Variants in ITGA9 observed in about 807,000 individuals in gnomAD.
ITGA9 encodes integrin alpha-9.
Under a neutral mutation model 127.8 loss-of-function variants are expected in ITGA9, and 56 were observed. The ratio of observed to expected loss-of-function variants is 0.44; its 90% confidence interval spans 0.35 to 0.55. The LOEUF is 0.55. ITGA9 is among the 20% of genes least tolerant of loss of function. The pLI is 0.00. For missense variants in ITGA9, 1,196 were observed against 1,347.1 expected, an observed-to-expected ratio of 0.89 and a Z score of 1.76; for synonymous variants, 508 against 514.5, an observed-to-expected ratio of 0.99 and a Z score of 0.17.
At chr3:37,606,017 A>T (rs1002133140) in intron 15 of ITGA9, among the ~76,000 whole-genome samples, 2 of 152,222 alleles carry the variant, frequency 1.3e-5, no homozygotes, top group African/African-American at 4.8e-5. Context: ...CTGCAGGCAG[A>T]AGGCCACATG....
intron 5 of ITGA9, among the ~76,000 whole-genome samples, chr3:37,502,689 G>C (rs1449016833): frequency 6.6e-6 from 1 of 152,332 alleles, no homozygotes; most frequent in East Asian, 1.9e-4. Flanking sequence ...GGTCTTGAGT[G>C]TGGTCTGGAG....
At chr3:37,748,107 C>CA in intron 22 of ITGA9, 2 of 472,334 alleles carry the variant, frequency 4.2e-6, no homozygotes, top group East Asian at 5.7e-5. Flanking sequence ...AGTAATTCGC[C>CA]AAAATGTCGA....
chr3:37,515,187 A>G (rs530377202), intron 9 of ITGA9, among the ~76,000 whole-genome samples: 145 of 152,378 alleles, frequency 9.5e-4, no homozygotes, highest in African/African-American at 3.3e-3. Flanking sequence ...ATGTACAACC[A>G]GTCCTCAGAA....
intron 14 of ITGA9, among the ~76,000 whole-genome samples, chr3:37,533,923 G>A (rs1391026791): frequency 1.3e-5 from 2 of 152,192 alleles, no homozygotes; most frequent in Non-Finnish European, 1.5e-5. Flanking sequence ...AAGATGGATG[G>A]TGGGATTCGG....
intron 10 of ITGA9, among the ~76,000 whole-genome samples, chr3:37,518,093 C>CGCGCGTGTGTGTGTGTGT (rs368577036): frequency 2.1e-5 from 3 of 144,106 alleles, no homozygotes; most frequent in Non-Finnish European, 4.5e-5. Context: ...AGAGTGTACG[C>CGCGCGTGTGTGTGTGTGT]GTGTGTGTGT....
At chr3:37,768,843 G>A (rs1468010409) in intron 23 of ITGA9, among the ~76,000 whole-genome samples, 1 of 151,544 alleles carries the variant, frequency 6.6e-6, no homozygotes, top group African/African-American at 2.4e-5. Flanking sequence ...CGTGGCTCAT[G>A]GGGAACACTA....
chr3:37,506,333 C>G (rs1237103287), intron 7 of ITGA9, among the ~76,000 whole-genome samples: 1 of 151,970 alleles, frequency 6.6e-6, no homozygotes, highest in African/African-American at 2.4e-5. Context: ...CACAGCTGAC[C>G]ATGTGTGTGT....
chr3:37,526,657 G>A (rs946405794), intron 13 of ITGA9, among the ~76,000 whole-genome samples: 3 of 152,332 alleles, frequency 2.0e-5, no homozygotes, highest in African/African-American at 4.8e-5. Flanking sequence ...GTGGGCCGCC[G>A]CCACCACCCG....
chr3:37,770,197 C>T (rs940512278), intron 23 of ITGA9, among the ~76,000 whole-genome samples: 1 of 152,174 alleles, frequency 6.6e-6, no homozygotes, highest in African/African-American at 2.4e-5. Flanking sequence ...GAGCAGTACC[C>T]TCCACACATG....
intron 23 of ITGA9, among the ~76,000 whole-genome samples, chr3:37,773,219 A>G (rs1460109281): frequency 6.6e-6 from 1 of 152,224 alleles, no homozygotes; most frequent in Non-Finnish European, 1.5e-5. Flanking sequence ...CCCACGCCTG[A>G]TTTTAATGAG....
chr3:37,545,506 C>T (rs983277463), intron 15 of ITGA9, among the ~76,000 whole-genome samples: 1 of 152,164 alleles, frequency 6.6e-6, no homozygotes, highest in Non-Finnish European at 1.5e-5. Context: ...TTCCATTCAC[C>T]GTATTGGAGG....
chr3:37,791,019 T>A (rs949655487), intron 26 of ITGA9: 1 of 151,916 alleles, frequency 6.6e-6, no homozygotes, highest in Non-Finnish European at 1.5e-5. Context: ...AGAAAATGAG[T>A]AGGCTCCGGA....
rs1696340880 is a variant in ITGA9 at position 37,734,953 on chromosome 3, C to T, written c.2155-1951C>T. The stretch of plus-strand genomic sequence containing the variant: ...GGGCATGGGAGCAGAGGGTGATTCC[C>T]TGGAGAAAGCCCAACAAGTCACCCA... On this transcript the variant is annotated intron_variant, in intron 19 of 27. Coordinates refer to ENST00000264741, the MANE Select transcript of ITGA9 (RefSeq NM_002207.3). Among the ~76,000 whole-genome samples, 5 of 152,326 alleles carry T rather than the reference C, an allele frequency of 3.3e-5. No homozygotes were observed. The South Asian group carries it at 1.0e-3, about 32-fold the overall frequency.
intron 19 of ITGA9, among the ~76,000 whole-genome samples, chr3:37,735,331 C>T (rs1180648983): frequency 6.6e-6 from 1 of 152,142 alleles, no homozygotes; most frequent in African/African-American, 2.4e-5. Flanking sequence ...CATGCCTGCC[C>T]CCCACCCCAC....
At chr3:37,635,754 A>G (rs1273819552) in intron 16 of ITGA9, among the ~76,000 whole-genome samples, 1 of 148,378 alleles carries the variant, frequency 6.7e-6, no homozygotes, top group African/African-American at 2.5e-5. Context: ...AGCATTAGGT[A>G]TATCTCCTAA....
At chr3:37,632,103 T>C (rs536485339) in intron 16 of ITGA9, among the ~76,000 whole-genome samples, 2 of 152,306 alleles carry the variant, frequency 1.3e-5, no homozygotes, top group East Asian at 3.9e-4. Context: ...GAATATTTGG[T>C]GCATGAAAGG....
At chr3:37,601,577 T>C (rs1699922864) in intron 15 of ITGA9, among the ~76,000 whole-genome samples, 2 of 152,180 alleles carry the variant, frequency 1.3e-5, no homozygotes, top group South Asian at 4.1e-4. Context: ...GCAACTTACA[T>C]GTAGACATTT....
intron 4 of ITGA9, among the ~76,000 whole-genome samples, chr3:37,489,745 G>T (rs1579060031): frequency 2.4e-5 from 3 of 126,652 alleles, no homozygotes; most frequent in Admixed American, 8.7e-5. Context: ...ATTGTTTCCT[G>T]TATTGTACAA....
intron 4 of ITGA9, among the ~76,000 whole-genome samples, chr3:37,482,008 T>G (rs1395318512): frequency 6.6e-6 from 1 of 152,202 alleles, no homozygotes; most frequent in South Asian, 2.1e-4. Flanking sequence ...TGTCCGAATA[T>G]TCAGTGGTTG....
Sources: allele counts gnomAD v4.1 joint callset (sites outside exome capture counted in the v4.1 genomes callset), GRCh38; gene constraint gnomAD v4.1.1; transcripts MANE v1.5; gene names NCBI Gene and HGNC (gene_info 2026-07-23, HGNC 2026-07-21).